The following TSPAN9 variants were observed in gnomAD, a reference collection of about 807,000 sequenced individuals.
TSPAN9 encodes tetraspanin 9, also known as tetraspanin-9.
In TSPAN9, 16 loss-of-function variants were observed where a neutral mutation model predicts 31.0. The ratio of observed to expected loss-of-function variants is 0.52; its 90% confidence interval spans 0.35 to 0.78. TSPAN9 has a LOEUF of 0.78. Ranked by LOEUF, TSPAN9 falls within the 30% of genes least tolerant of loss-of-function variation. The pLI, the probability that TSPAN9 is intolerant of heterozygous loss-of-function variation, is 0.01. For synonymous variants in TSPAN9, 145 were observed against 121.6 expected (o/e 1.19, Z -1.27); for missense variants, 272 against 312.5 (o/e 0.87, Z 0.98).
At chr12:3,240,464 C>G (rs2098396026) in intron 3 of TSPAN9, among the ~76,000 whole-genome samples, 1 of 152,206 alleles carries the variant, frequency 6.6e-6, no homozygotes, top group African/African-American at 2.4e-5. Context: ...ACTTCAGGTA[C>G]TCATTCCTCA....
rs1368630743 is a variant in TSPAN9 at position 3,107,627 on chromosome 12, CT to C, written c.-18+23910del. Reference sequence around the variant, plus strand: ...TGGGGCACTGGCTTCGTGGTGGCCTCTTCCCTGTGGGACTGCCAAGCTGCTG... The same window carrying C: ...TGGGGCACTGGCTTCGTGGTGGCCTCTCCCTGTGGGACTGCCAAGCTGCTG... On this transcript the variant is annotated intron_variant, in intron 2 of 8. Transcript: ENST00000011898. This position sits in a 1 kb window ranked among gnomAD's most constrained non-coding sequence, Gnocchi z 4.1. Among the ~76,000 whole-genome samples the C allele has an allele frequency of 6.6e-6, 1 of 152,214 alleles. No individual in the cohort carries two copies. The highest frequency in any genetic ancestry group is 2.4e-5 in the African/African-American group (1 of 41,460).
intron 2 of TSPAN9, among the ~76,000 whole-genome samples, chr12:3,091,690 G>A (rs1328283158): frequency 2.0e-5 from 3 of 152,324 alleles, no homozygotes; most frequent in South Asian, 4.1e-4. Flanking sequence ...GGCTTAACGC[G>A]TTTGAAATCC....
rs138131620 is a variant in TSPAN9 at position 3,234,276 on chromosome 12, T to C, written c.63+33020T>C. 2.0e-3 allele frequency among the ~76,000 whole-genome samples: 302 copies of C among 152,324 alleles called. 7 individuals are homozygous for C. The East Asian group carries it at 0.047, about 24-fold the overall frequency. On this transcript the variant is annotated intron_variant, in intron 3 of 8. Coordinates refer to ENST00000011898, the MANE Select transcript of TSPAN9 (RefSeq NM_006675.5). ...CATCCTTTGATTGTCTAGTTGAAAT[T>C]CCATGGTCTGAATGAAATCTTTTTG...
chr12:3,265,405 C>G (rs1862520599), intron 3 of TSPAN9, among the ~76,000 whole-genome samples: 1 of 152,190 alleles, frequency 6.6e-6, no homozygotes. Flanking sequence ...CATGAAAGCG[C>G]CCTCTGGAAA....
At chr12:3,246,199 T>C (rs1291089301) in intron 3 of TSPAN9, among the ~76,000 whole-genome samples, 2 of 151,184 alleles carry the variant, frequency 1.3e-5, no homozygotes, top group African/African-American at 4.9e-5. Context: ...CGGGGGGTGG[T>C]GCCACACACT....
At chr12:3,191,751 A>T (rs1234036571) in intron 2 of TSPAN9, among the ~76,000 whole-genome samples, 1 of 152,230 alleles carries the variant, frequency 6.6e-6, no homozygotes, top group Non-Finnish European at 1.5e-5. Flanking sequence ...TGAGGGAGAC[A>T]TAGGCAGTCT....
chr12:3,278,052 A>C (rs1485316897), intron 3 of TSPAN9, among the ~76,000 whole-genome samples: 2 of 152,194 alleles, frequency 1.3e-5, no homozygotes, highest in East Asian at 3.9e-4. Context: ...CGTCTTGGAC[A>C]CTGGGGCCTC....
At chr12:3,255,225 TTTATAGAGAGGCTGTG>T (rs1862324320) in intron 3 of TSPAN9, among the ~76,000 whole-genome samples, 1 of 152,228 alleles carries the variant, frequency 6.6e-6, no homozygotes, top group South Asian at 2.1e-4. Flanking sequence ...CTCCGGGCTT[TTTATAGAGAGGCTGTG>T]TTAGGCGAGC....
At chr12:3,204,219 C>T (rs907496593) in intron 3 of TSPAN9, among the ~76,000 whole-genome samples, 10 of 152,202 alleles carry the variant, frequency 6.6e-5, no homozygotes, top group East Asian at 1.9e-4. Context: ...CCATAGATCC[C>T]GGAGCCTACC....
In TSPAN9 at chr12:3,187,128, CTTTCAGAGGGGAGGGCCTCTGT is replaced by C. The variant is rs1391853102; in HGVS notation, c.-17-14044_-17-14023del. 6.6e-6 allele frequency among the ~76,000 whole-genome samples: 1 copy of C among 152,128 alleles called. No individual in the cohort carries two copies. The highest frequency in any genetic ancestry group is 1.5e-5 in the Non-Finnish European group (1 of 68,022). On this transcript the variant is annotated intron_variant, in intron 2 of 8. Transcript: ENST00000011898. The surrounding 1 kb of genome is among the most constrained non-coding windows in gnomAD (Gnocchi z 5.2). ...TTACCTCTACTCTACCTGTGCTGTG[CTTTCAGAGGGGAGGGCCTCTGT>C]TTTCTTTCACTTGGCAGATCACCTG... is the stretch of plus-strand genomic sequence containing the variant.
chr12:3,278,916 T>C, intron 4 of TSPAN9, 76 bp from the exon 5 acceptor site: 1 of 1,504,276 alleles, frequency 6.6e-7, no homozygotes, highest in Non-Finnish European at 9.2e-7. Flanking sequence ...GCGCCGCCTG[T>C]CCCTGCCTTC....
At chr12:3,136,965 G>A (rs551117035) in intron 2 of TSPAN9, among the ~76,000 whole-genome samples, 2 of 152,200 alleles carry the variant, frequency 1.3e-5, no homozygotes, top group African/African-American at 4.8e-5. Context: ...GTCCTGCTGT[G>A]AAGGCTTCGG....
intron 2 of TSPAN9, among the ~76,000 whole-genome samples, chr12:3,148,959 C>T (rs934925167): frequency 2.6e-5 from 4 of 152,296 alleles, no homozygotes; most frequent in Admixed American, 1.3e-4. Context: ...AGGAGGTCTC[C>T]AGTTGCTGAG....
At chr12:3,153,843 T>C (rs1435397245) in intron 2 of TSPAN9, among the ~76,000 whole-genome samples, 1 of 150,788 alleles carries the variant, frequency 6.6e-6, no homozygotes, top group African/African-American at 2.4e-5. Flanking sequence ...GTATTATATA[T>C]ATATGTGTGT....
chr12:3,118,681 G>GTTA (rs59218022), intron 2 of TSPAN9, among the ~76,000 whole-genome samples: 3,373 of 152,104 alleles, frequency 0.022, 105 homozygotes, highest in African/African-American at 0.077. Flanking sequence ...TGGCCTCCTT[G>GTTA]GCACTCCCTC....
intron 2 of TSPAN9, among the ~76,000 whole-genome samples, chr12:3,109,756 C>T (rs577845305): frequency 2.1e-5 from 3 of 145,852 alleles, no homozygotes; most frequent in Admixed American, 2.0e-4. Flanking sequence ...CGAGATCGCA[C>T]CACTGCACTC....
chr12:3,256,129 G>A (rs1862340224), intron 3 of TSPAN9, among the ~76,000 whole-genome samples: 1 of 152,144 alleles, frequency 6.6e-6, no homozygotes, highest in Non-Finnish European at 1.5e-5. Context: ...TCAGACTGTT[G>A]GGTTGTCAGG....
At chr12:3,268,125 C>A (rs1284402618) in intron 3 of TSPAN9, among the ~76,000 whole-genome samples, 1 of 151,254 alleles carries the variant, frequency 6.6e-6, no homozygotes, top group African/African-American at 2.4e-5. Flanking sequence ...CTTCCCCATG[C>A]CTATTCCGTA....
chr12:3,097,674 C>T (rs1187582723), intron 2 of TSPAN9, among the ~76,000 whole-genome samples: 1 of 152,200 alleles, frequency 6.6e-6, no homozygotes, highest in East Asian at 1.9e-4. Flanking sequence ...GGTAGCAGGA[C>T]TTAGAGCCCA....
Sources: allele counts gnomAD v4.1 joint callset (sites outside exome capture counted in the v4.1 genomes callset), GRCh38; gene constraint gnomAD v4.1.1; non-coding constraint Gnocchi (gnomAD v3.1); transcripts MANE v1.5; gene names NCBI Gene and HGNC (gene_info 2026-07-23, HGNC 2026-07-21).